Variants in VTI1A observed in about 807,000 individuals in gnomAD.
The protein encoded by VTI1A is vesicle transport through interaction with t-SNAREs 1A.
In VTI1A, 22 loss-of-function variants were observed where a neutral mutation model predicts 34.9. That is an observed-to-expected ratio of 0.63 (90% confidence interval 0.45 to 0.90). The LOEUF (loss-of-function observed/expected upper bound fraction) is 0.90, where lower values mean the gene tolerates loss of function less well. Ranked by LOEUF, VTI1A falls within the 40% of genes least tolerant of loss-of-function variation. VTI1A has a pLI of 0.00. For missense variants in VTI1A, 268 were observed against 275.6 expected (o/e 0.97, Z 0.20); for synonymous variants, 87 against 97.3 (o/e 0.89, Z 0.62).
At chr10:112,736,069 A>G (rs1054874234) in intron 7 of VTI1A, among the ~76,000 whole-genome samples, 4 of 144,620 alleles carry the variant, frequency 2.8e-5, no homozygotes, top group Non-Finnish European at 6.0e-5. Flanking sequence ...AATATATTTT[A>G]TATTTTTATA....
At chr10:112,732,717 T>C (rs1850308818) in intron 7 of VTI1A, among the ~76,000 whole-genome samples, 1 of 152,222 alleles carries the variant, frequency 6.6e-6, no homozygotes, top group African/African-American at 2.4e-5. Context: ...TTAATCTTCC[T>C]GATGATGCAC....
chr10:112,782,790 C>T (rs1299902435), intron 7 of VTI1A, among the ~76,000 whole-genome samples: 2 of 151,956 alleles, frequency 1.3e-5, no homozygotes, highest in Non-Finnish European at 2.9e-5. Context: ...TGAAGGACCA[C>T]TTGTCAGGGG....
chr10:112,504,988 A>G (rs972223071), intron 3 of VTI1A, among the ~76,000 whole-genome samples: 1 of 151,376 alleles, frequency 6.6e-6, no homozygotes, highest in Non-Finnish European at 1.5e-5. Flanking sequence ...GTTAAGTTCT[A>G]TTATTTTTTT....
chr10:112,839,899 A>G, the VTI1A span, among the ~76,000 whole-genome samples: 2 of 137,746 alleles, frequency 1.5e-5, no homozygotes, highest in African/African-American at 5.4e-5. Context: ...GTAGATCAGA[A>G]TGGCCCAACT....
chr10:112,466,539 A>G (rs1167373341), intron 3 of VTI1A, among the ~76,000 whole-genome samples: 1 of 152,238 alleles, frequency 6.6e-6, no homozygotes, highest in Non-Finnish European at 1.5e-5. Flanking sequence ...AGTTTTTCTC[A>G]GTAAAAATAT....
intron 5 of VTI1A, chr10:112,548,990 C>G (rs1293787826): frequency 9.7e-6 from 6 of 617,044 alleles, no homozygotes; most frequent in Non-Finnish European, 1.7e-5. Flanking sequence ...TCCCTGCCCT[C>G]CTGCCTTCTC....
At chr10:112,498,679 A>T (rs1302542203) in intron 3 of VTI1A, among the ~76,000 whole-genome samples, 2 of 152,182 alleles carry the variant, frequency 1.3e-5, no homozygotes, top group African/African-American at 4.8e-5. Context: ...GCTATTTTTG[A>T]GTTTACTCAT....
intron 5 of VTI1A, among the ~76,000 whole-genome samples, chr10:112,622,824 A>G (rs1845783210): frequency 6.6e-6 from 1 of 152,260 alleles, no homozygotes; most frequent in Non-Finnish European, 1.5e-5. Context: ...AGTTGAAGCT[A>G]TGTAAATAAG....
chr10:112,684,595 C>G (rs562357791), intron 7 of VTI1A, among the ~76,000 whole-genome samples: 5 of 152,036 alleles, frequency 3.3e-5, no homozygotes, highest in African/African-American at 1.2e-4. Context: ...CGGGCCATCA[C>G]GCCCAGCTAA....
rs571317766 is a variant in VTI1A at position 112,777,811 on chromosome 10, T to G, written c.561-37479T>G. 2.6e-5 allele frequency among the ~76,000 whole-genome samples: 4 copies of G among 152,146 alleles called. No individual in the cohort carries two copies. In the East Asian group the frequency reaches 7.8e-4, roughly 29 times the overall value. On this transcript the variant is annotated intron_variant, in intron 7 of 7. Transcript: ENST00000393077. ...TTTCACAGAAGCAAATACAAAGTAT[T>G]GGTGAAAGTGGCCGGGCACCGTGGC...
intron 3 of VTI1A, among the ~76,000 whole-genome samples, chr10:112,496,014 CA>C (rs1468538133): frequency 1.3e-5 from 2 of 152,198 alleles, no homozygotes; most frequent in Non-Finnish European, 2.9e-5. Context: ...TTAACCTTGA[CA>C]AGAACCTGTA....
chr10:112,817,652 T>G lies in VTI1A; in HGVS notation c.*2269T>G, dbSNP rs1853563645. The stretch of plus-strand genomic sequence containing the variant: ...ACTCCTTCCTGGTCCTCCTGGACAC[T>G]GCAGAAAAGACTTAGGGGATCCCCA... On this transcript the variant is annotated 3_prime_UTR_variant, in exon 8 of 8. Transcript: ENST00000393077. 4.4e-6 allele frequency: 1 copy of G among 229,112 alleles called. No individual in the cohort carries two copies. Among genetic ancestry groups the G allele is most frequent in the East Asian group, 6.2e-5 (1 of 16,074 alleles). The allele number at this position is 229,112 out of a possible 1,614,324, so 14.2% of individuals were successfully genotyped here.
intron 7 of VTI1A, among the ~76,000 whole-genome samples, chr10:112,790,823 T>C (rs926825289): frequency 2.0e-5 from 3 of 151,012 alleles, no homozygotes; most frequent in Non-Finnish European, 4.4e-5. Flanking sequence ...TTTGCCGACC[T>C]CTTCGCTCAT....
chr10:112,780,582 C>T (rs1014557788), intron 7 of VTI1A, among the ~76,000 whole-genome samples: 8 of 151,960 alleles, frequency 5.3e-5, no homozygotes, highest in Admixed American at 2.6e-4. Context: ...TCTCATGTCC[C>T]GGGAACTAGA....
chr10:112,546,675 T>A (rs1851142266), intron 5 of VTI1A, among the ~76,000 whole-genome samples: 3 of 152,110 alleles, frequency 2.0e-5, no homozygotes, highest in Non-Finnish European at 4.4e-5. Flanking sequence ...TCACATCCTT[T>A]TTTTTTAAAA....
chr10:112,810,050 T>G (rs995864780), intron 7 of VTI1A, among the ~76,000 whole-genome samples: 1 of 152,060 alleles, frequency 6.6e-6, no homozygotes, highest in Non-Finnish European at 1.5e-5. Context: ...TAAAGTCAGT[T>G]TATTTTCTCA....
intron 3 of VTI1A, among the ~76,000 whole-genome samples, chr10:112,492,556 G>C (rs1275671937): frequency 6.6e-6 from 1 of 152,136 alleles, no homozygotes; most frequent in Non-Finnish European, 1.5e-5. Flanking sequence ...GGGAGACCCA[G>C]GCAGGCAGAT....
At chr10:112,630,747 C>G (rs1329609763) in intron 5 of VTI1A, among the ~76,000 whole-genome samples, 1 of 152,138 alleles carries the variant, frequency 6.6e-6, no homozygotes, top group African/African-American at 2.4e-5. Flanking sequence ...TGCAATCAAG[C>G]CTCACAAAAT....
At chr10:112,575,151 G>T (rs561794140) in intron 5 of VTI1A, among the ~76,000 whole-genome samples, 1 of 152,226 alleles carries the variant, frequency 6.6e-6, no homozygotes, top group South Asian at 2.1e-4. Context: ...TCTCTCTTTG[G>T]TGCTAATAGT....
Sources: gnomAD v4.1 joint callset for allele counts (sites outside exome capture counted in the v4.1 genomes callset) on GRCh38, gnomAD v4.1.1 for gene constraint, MANE v1.5 for transcripts, NCBI Gene and HGNC (gene_info 2026-07-23, HGNC 2026-07-21) for gene names.